AGBL1: variants seen among roughly 807,000 people sequenced by gnomAD.
AGBL1 encodes the protein AGBL carboxypeptidase 1.
Under a neutral mutation model 118.9 loss-of-function variants are expected in AGBL1, and 130 were observed. The observed-to-expected ratio is 1.09, with a 90% CI of 0.95 to 1.26. The LOEUF is 1.26. Ranked by LOEUF, AGBL1 falls within the 50% of genes most tolerant of loss-of-function variation. The probability of loss-of-function intolerance (pLI) is 0.00; values close to 1 mark genes in which losing one functional copy is unlikely to be tolerated. For synonymous variants in AGBL1, 555 were observed against 478.9 expected (o/e 1.16, Z -2.08); for missense variants, 1,584 against 1,298.1 (o/e 1.22, Z -3.38).
intron 21 of AGBL1, among the ~76,000 whole-genome samples, chr15:86,565,031 T>A (rs1356910338): frequency 6.6e-6 from 1 of 152,222 alleles, no homozygotes; most frequent in Non-Finnish European, 1.5e-5. Flanking sequence ...TAGCCATTTG[T>A]TTAATCTGTT....
At chr15:86,427,759 CTTAT>C (rs1333815200) in intron 18 of AGBL1, among the ~76,000 whole-genome samples, 1 of 152,168 alleles carries the variant, frequency 6.6e-6, no homozygotes, top group Non-Finnish European at 1.5e-5. Context: ...AGAGTCACTA[CTTAT>C]TTGACTTTAA....
chr15:86,798,145 G>C (rs541944980), intron 22 of AGBL1, among the ~76,000 whole-genome samples: 5 of 152,168 alleles, frequency 3.3e-5, no homozygotes, highest in Admixed American at 3.3e-4. Context: ...CAGAAATTCA[G>C]TTTCAATATC....
chr15:86,745,279 A>C (rs1372045135), intron 22 of AGBL1, among the ~76,000 whole-genome samples: 1 of 152,102 alleles, frequency 6.6e-6, no homozygotes, highest in Non-Finnish European at 1.5e-5. Context: ...ACCTTGAAGA[A>C]GGGGTATTAT....
At chr15:86,853,583 G>T (rs74027138) in intron 22 of AGBL1, among the ~76,000 whole-genome samples, 5 of 152,120 alleles carry the variant, frequency 3.3e-5, no homozygotes, top group African/African-American at 4.8e-5. Flanking sequence ...ACCAAAGCCC[G>T]GGCTCTACTT....
intron 24 of AGBL1, among the ~76,000 whole-genome samples, chr15:87,027,899 G>C (rs1166253567): frequency 6.6e-6 from 1 of 151,792 alleles, no homozygotes; most frequent in Non-Finnish European, 1.5e-5. Flanking sequence ...TAGGTGAGGG[G>C]AGGGCAAGCC....
At chr15:86,481,426 C>T (rs758813294) in intron 18 of AGBL1, among the ~76,000 whole-genome samples, 1 of 152,080 alleles carries the variant, frequency 6.6e-6, no homozygotes, top group African/African-American at 2.4e-5. Context: ...AATATGTGAC[C>T]TTCTGGGAGC....
At chr15:86,617,760 GCACACACACACACACACACA>G (rs5814253) in intron 21 of AGBL1, among the ~76,000 whole-genome samples, 1 of 146,922 alleles carries the variant, frequency 6.8e-6, no homozygotes, top group East Asian at 2.0e-4. Context: ...AACTTTATGC[GCACACACACACACACACACA>G]CACACACACA....
chr15:86,851,367 G>T (rs2079404593), intron 22 of AGBL1, among the ~76,000 whole-genome samples: 1 of 152,216 alleles, frequency 6.6e-6, no homozygotes, highest in East Asian at 1.9e-4. Context: ...CCTGTAGGAG[G>T]GGGCTTTAAA....
At chr15:86,883,979 T>C (rs2079933581) in intron 22 of AGBL1, among the ~76,000 whole-genome samples, 1 of 152,112 alleles carries the variant, frequency 6.6e-6, no homozygotes. Flanking sequence ...AGTACTGAAC[T>C]CTATATATAC....
chr15:86,343,377 C>T (rs563825639), intron 17 of AGBL1, among the ~76,000 whole-genome samples: 15 of 152,210 alleles, frequency 9.9e-5, no homozygotes, highest in Middle Eastern at 3.4e-3. Context: ...TTTCTAAGTA[C>T]CTGTAATGGC....
chr15:86,559,131 C>T (rs1015149778), intron 21 of AGBL1, among the ~76,000 whole-genome samples: 53 of 152,280 alleles, frequency 3.5e-4, no homozygotes, highest in South Asian at 4.1e-4. Context: ...ATCTCTGTGT[C>T]TCCCCTCTTC....
intron 17 of AGBL1, among the ~76,000 whole-genome samples, chr15:86,334,715 G>A (rs546995808): frequency 6.6e-6 from 1 of 151,766 alleles, no homozygotes; most frequent in Non-Finnish European, 1.5e-5. Flanking sequence ...GCAATCGTAA[G>A]CAGAAAGAAC....
chr15:86,264,657 G>C lies in AGBL1; in HGVS notation c.1486G>C (p.Asp496His). ...GACTAGAGAAGTTGTCAAAGTAATA[G>C]ATAAGCTTCTGCAGACACATCTGAA... The part of the protein sequence containing the change: ...TRTREVVKVI[D>H]KLLQTHLKRV... Residue 496 changes from aspartate (D) to histidine (H), a missense_variant, in exon 11 of 23, where the codon GAT becomes CAT. Coordinates refer to ENST00000614907, the MANE Select transcript of AGBL1 (RefSeq NM_001386094.1). The C allele has an allele frequency of 1.2e-6, 2 of 1,613,970 alleles. No individual in the cohort carries two copies. Among genetic ancestry groups the C allele is most frequent in the Non-Finnish European group, 1.7e-6 (2 of 1,179,884 alleles).
intron 21 of AGBL1, among the ~76,000 whole-genome samples, chr15:86,646,059 T>C (rs187251656): frequency 1.7e-4 from 26 of 152,164 alleles, no homozygotes; most frequent in Admixed American, 1.2e-3. Flanking sequence ...CCCAGCCAGG[T>C]TGGGAGTGTA....
chr15:86,888,277 C>T (rs995913001), intron 22 of AGBL1, among the ~76,000 whole-genome samples: 1 of 151,866 alleles, frequency 6.6e-6, no homozygotes, highest in African/African-American at 2.4e-5. Flanking sequence ...TGGCCAGCAC[C>T]ACTCACCTTA....
chr15:86,205,051 AT>A (rs1320449799), intron 5 of AGBL1, among the ~76,000 whole-genome samples: 1 of 152,172 alleles, frequency 6.6e-6, no homozygotes, highest in African/African-American at 2.4e-5. Context: ...TGCTCTAAAA[AT>A]CCTCTGTGCT....
At chr15:86,466,915 G>T (rs993632313) in intron 18 of AGBL1, among the ~76,000 whole-genome samples, 1 of 152,190 alleles carries the variant, frequency 6.6e-6, no homozygotes, top group Non-Finnish European at 1.5e-5. Context: ...GAGCTCTCCT[G>T]TATGAAGTGT....
At chr15:86,086,094 C>T (rs573329772) in intron 1 of AGBL1, among the ~76,000 whole-genome samples, 221 of 152,326 alleles carry the variant, frequency 1.5e-3, no homozygotes, top group African/African-American at 4.6e-3. Context: ...TGGCCAACAG[C>T]GACCCACGCC....
At chr15:86,798,370 A>G (rs958098199) in intron 22 of AGBL1, among the ~76,000 whole-genome samples, 3 of 152,148 alleles carry the variant, frequency 2.0e-5, no homozygotes, top group Non-Finnish European at 4.4e-5. Flanking sequence ...TGGGTGAATC[A>G]ATCTATAATG....
Sources: allele counts gnomAD v4.1 joint callset (sites outside exome capture counted in the v4.1 genomes callset), GRCh38; gene constraint gnomAD v4.1.1; transcripts MANE v1.5; gene names NCBI Gene and HGNC (gene_info 2026-07-23, HGNC 2026-07-21).